MCOLN2: variants seen among roughly 807,000 people sequenced by gnomAD.
The protein encoded by MCOLN2 is mucolipin TRP cation channel 2, also known as mucolipin-2.
In MCOLN2, 57 loss-of-function variants were observed where a neutral mutation model predicts 67.5. The observed-to-expected ratio is 0.84, with a 90% CI of 0.68 to 1.05. The LOEUF (loss-of-function observed/expected upper bound fraction) is 1.05, where lower values mean the gene tolerates loss of function less well. Among genes scored for constraint, MCOLN2 ranks in the 50% least tolerant of loss-of-function variants. The pLI, the probability that MCOLN2 is intolerant of heterozygous loss-of-function variation, is 0.00. For synonymous variants in MCOLN2, 246 were observed against 233.3 expected (o/e 1.05, Z -0.50); for missense variants, 620 against 678.8 (o/e 0.91, Z 0.96).
chr1:84,934,948 A>T (rs1647340336), intron 11 of MCOLN2, among the ~76,000 whole-genome samples: 1 of 152,220 alleles, frequency 6.6e-6, no homozygotes, highest in Non-Finnish European at 1.5e-5. Context: ...CCCAGCTATC[A>T]GTCAAACGGT....
At chr1:84,980,026 C>CTCTT (rs1185332516) in intron 1 of MCOLN2, among the ~76,000 whole-genome samples, 1 of 152,066 alleles carries the variant, frequency 6.6e-6, no homozygotes, top group Non-Finnish European at 1.5e-5. Flanking sequence ...TTTCTATGTG[C>CTCTT]AAGAGTAAGC....
At chr1:84,971,499 T>TACACACACACAC (rs71097870) in intron 1 of MCOLN2, among the ~76,000 whole-genome samples, 2 of 132,180 alleles carry the variant, frequency 1.5e-5, no homozygotes, top group South Asian at 2.7e-4. Flanking sequence ...TAAACAGACA[T>TACACACACACAC]ACACACACAC....
chr1:84,987,681 T>TA lies in MCOLN2; in HGVS notation c.77+9114dup, dbSNP rs1284327821. Among the ~76,000 whole-genome samples, 6 of 141,690 alleles carry TA rather than the reference T, an allele frequency of 4.2e-5. 1 individual carries two copies. Among genetic ancestry groups the TA allele is most frequent in the African/African-American group, 7.7e-5 (3 of 39,170 alleles). The allele number at this position is 141,690 out of a possible 152,430, so 93.0% of individuals were successfully genotyped here. A position where few individuals can be genotyped will look rare whatever the true frequency, so the allele number is the denominator to read the frequency against. The stretch of plus-strand genomic sequence containing the variant: ...ACATATGTATATATGTATATAGATA[T>TA]ATAGATGTATAGATGTATATAGATT... On this transcript the variant is annotated intron_variant, in intron 1 of 13. Transcript: ENST00000370608.
intron 1 of MCOLN2, among the ~76,000 whole-genome samples, chr1:84,976,188 T>C (rs189322559): frequency 5.4e-4 from 82 of 152,250 alleles, no homozygotes; most frequent in Middle Eastern, 6.8e-3. Flanking sequence ...AAGAAGGTTA[T>C]ATAGGACACC....
rs777719588 is a variant in MCOLN2, at chr1:84,965,553, G to A, written c.233C>T (p.Thr78Ile). Reference protein sequence around the residue: ...LQILKIVMVTTQLVRFGLSNQ... With the variant: ...LQILKIVMVTIQLVRFGLSNQ... The stretch of plus-strand genomic sequence containing the variant: ...TGAAATAATAAGATAGGTTACCTGT[G>A]TGGTGACCATGACTATCTTCAAAAT... Residue 78 changes from threonine (T) to isoleucine (I), a missense_variant, in exon 2 of 14, where the codon ACA becomes ATA. Coordinates refer to ENST00000370608, the MANE Select transcript of MCOLN2 (RefSeq NM_153259.4). 26 of 1,613,560 alleles carry A rather than the reference G, an allele frequency of 1.6e-5. No homozygotes were observed. In the African/African-American group the frequency reaches 2.9e-4, roughly 18 times the overall value.
chr1:84,938,502 C>A (rs1455707897), intron 9 of MCOLN2, among the ~76,000 whole-genome samples: 2 of 152,214 alleles, frequency 1.3e-5, no homozygotes, highest in Non-Finnish European at 2.9e-5. Flanking sequence ...AACACAGCTG[C>A]AGCTCTGAGG....
chr1:84,936,134 AG>A (rs761260131), intron 11 of MCOLN2, among the ~76,000 whole-genome samples: 18 of 152,242 alleles, frequency 1.2e-4, no homozygotes, highest in Non-Finnish European at 2.4e-4. Flanking sequence ...CAGGACAATC[AG>A]ATTTCTTCAC....
chr1:84,939,616 C>G lies in MCOLN2; in HGVS notation c.1047G>C (p.Leu349=), dbSNP rs764133618. The change falls in exon 9 of 14, where the codon CTG becomes CTC. Residue 349 remains leucine, a synonymous_variant. Transcript: ENST00000370608. ...TTGTCATTAGGTCGCTGATAATCAC[C>G]AGGACATACCAGCCGTTGATGAACT... is the stretch of plus-strand genomic sequence containing the variant. ...QWEFINGWYV[L]VIISDLMTII... is the part of the protein sequence containing the mutation. The G allele has an allele frequency of 6.2e-7, 1 of 1,613,974 alleles. No individual in the cohort carries two copies. The highest frequency in any genetic ancestry group is 1.1e-5 in the South Asian group (1 of 91,070).
At chr1:84,988,246 T>A (rs1425766488) in intron 1 of MCOLN2, among the ~76,000 whole-genome samples, 1 of 151,934 alleles carries the variant, frequency 6.6e-6, no homozygotes, top group Non-Finnish European at 1.5e-5. Context: ...GGAGACAGGT[T>A]TTGCTATGTT....
chr1:84,955,674 A>G (rs1239036886), intron 4 of MCOLN2, among the ~76,000 whole-genome samples: 1 of 152,182 alleles, frequency 6.6e-6, no homozygotes, highest in Non-Finnish European at 1.5e-5. Flanking sequence ...AGGGGCTCGT[A>G]GAGGCAAGAC....
chr1:84,975,458 A>T (rs1054575331), intron 1 of MCOLN2, among the ~76,000 whole-genome samples: 1 of 152,232 alleles, frequency 6.6e-6, no homozygotes, highest in African/African-American at 2.4e-5. Context: ...AGTCTATAAG[A>T]ACCACAGCAT....
chr1:84,955,957 C>T (rs1299600491), intron 4 of MCOLN2, among the ~76,000 whole-genome samples: 4 of 152,208 alleles, frequency 2.6e-5, no homozygotes, highest in South Asian at 4.2e-4. Flanking sequence ...CAAAACAATT[C>T]GACTTGATTA....
intron 11 of MCOLN2, among the ~76,000 whole-genome samples, chr1:84,933,119 C>A (rs553293460): frequency 6.6e-6 from 1 of 152,200 alleles, no homozygotes; most frequent in Non-Finnish European, 1.5e-5. Flanking sequence ...TCTTTCTCTT[C>A]TCTGTGTCCA....
chr1:84,966,948 T>C (rs1649410240), intron 1 of MCOLN2, among the ~76,000 whole-genome samples: 2 of 152,214 alleles, frequency 1.3e-5, no homozygotes, highest in African/African-American at 4.8e-5. Context: ...CACAGCAATA[T>C]AACTTACAGC....
chr1:84,996,996 C>G lies in MCOLN2; in HGVS notation c.-124G>C, dbSNP rs755332881. The G allele has an allele frequency of 1.2e-6, 1 of 837,834 alleles. No homozygotes were observed. The highest frequency in any genetic ancestry group is 1.9e-6 in the Non-Finnish European group (1 of 517,086). The allele number at this position is 837,834 out of a possible 1,614,324, so 51.9% of individuals were successfully genotyped here. A position where few individuals can be genotyped will look rare whatever the true frequency, so the allele number is the denominator to read the frequency against. On this transcript the variant is annotated 5_prime_UTR_variant, in exon 1 of 14. Coordinates refer to ENST00000370608, the MANE Select transcript of MCOLN2 (RefSeq NM_153259.4). ...AGTTGGAGCCCTGCAAAGCGGGGTT[C>G]CCTTCTCTTACCCTTTCTGCCGGCC...
chr1:84,982,088 A>T (rs67794450), intron 1 of MCOLN2, among the ~76,000 whole-genome samples: 45,639 of 121,144 alleles, frequency 0.38, 7,240 homozygotes, highest in East Asian at 0.5. Context: ...TTTTTTTTTT[A>T]AAAAAAAGAT....
At chr1:84,973,669 C>T (rs1189123716) in intron 1 of MCOLN2, among the ~76,000 whole-genome samples, 1 of 151,994 alleles carries the variant, frequency 6.6e-6, no homozygotes, top group Non-Finnish European at 1.5e-5. Flanking sequence ...ATCTAGTTTC[C>T]GTGGAAATAA....
At chr1:84,968,099 G>C (rs948811710) in intron 1 of MCOLN2, among the ~76,000 whole-genome samples, 1 of 152,126 alleles carries the variant, frequency 6.6e-6, no homozygotes, top group African/African-American at 2.4e-5. Flanking sequence ...GAACAAGAGA[G>C]CCAAGATTCT....
intron 1 of MCOLN2, among the ~76,000 whole-genome samples, chr1:84,989,375 G>A (rs1300363193): frequency 6.6e-6 from 1 of 152,128 alleles, no homozygotes; most frequent in Non-Finnish European, 1.5e-5. Flanking sequence ...GTCTTACTTA[G>A]TCAAGATACA....
Sources: gnomAD v4.1 joint callset for allele counts (sites outside exome capture counted in the v4.1 genomes callset) on GRCh38, gnomAD v4.1.1 for gene constraint, MANE v1.5 for transcripts, NCBI Gene and HGNC (gene_info 2026-07-23, HGNC 2026-07-21) for gene names.